STXBP5L: variants seen among roughly 807,000 people sequenced by gnomAD.
The protein encoded by STXBP5L is syntaxin-binding protein 5-like.
A neutral mutation model predicts 144.5 loss-of-function variants in STXBP5L; 65 were observed. The ratio of observed to expected loss-of-function variants is 0.45; its 90% CI spans 0.37 to 0.55. The LOEUF (loss-of-function observed/expected upper bound fraction) is 0.55, where lower values mean the gene tolerates loss of function less well. Ranked by LOEUF, STXBP5L falls within the 20% of genes least tolerant of loss-of-function variation. The probability of loss-of-function intolerance (pLI) is 0.00; values close to 1 mark genes in which losing one functional copy is unlikely to be tolerated. For synonymous variants in STXBP5L, 505 were observed against 469.6 expected (o/e 1.08, Z -0.97); for missense variants, 1,298 against 1,405.5 (o/e 0.92, Z 1.22).
rs779692882 is a variant in STXBP5L, at chr3:121,257,110, A to G, written c.1660-51A>G. The stretch of plus-strand genomic sequence containing the variant: ...TTATTATGACTTAGATTAAATTAAA[A>G]CGATGATTATTAGTGTGACTTAAAT... On this transcript the variant is annotated intron_variant, in intron 16 of 26. Coordinates refer to ENST00000471454, the MANE Select transcript of STXBP5L (RefSeq NM_001308330.2). The G allele has an allele frequency of 3.7e-6, 5 of 1,349,028 alleles. No homozygotes were observed. The Admixed American group carries it at 8.3e-5, about 22-fold the overall frequency. The allele number at this position is 1,349,028 out of a possible 1,614,324, so 83.6% of individuals were successfully genotyped here.
chr3:121,014,884 A>C (rs9879469), intron 3 of STXBP5L, among the ~76,000 whole-genome samples: 15,091 of 152,060 alleles, frequency 0.099, 1,179 homozygotes, highest in Admixed American at 0.2. Context: ...TATGAGTAAT[A>C]AATTGAAAAA....
chr3:120,942,805 T>C (rs1341457779), intron 2 of STXBP5L, among the ~76,000 whole-genome samples: 1 of 151,548 alleles, frequency 6.6e-6, no homozygotes, highest in Non-Finnish European at 1.5e-5. Context: ...GAATAGCAAA[T>C]ATATATGTTT....
intron 5 of STXBP5L, among the ~76,000 whole-genome samples, chr3:121,071,002 A>G (rs944568814): frequency 3.3e-5 from 5 of 152,194 alleles, no homozygotes. Flanking sequence ...CTAGTTATAG[A>G]CACAAGTTCC....
chr3:121,203,516 G>C (rs1220824554), intron 9 of STXBP5L, among the ~76,000 whole-genome samples: 1 of 152,002 alleles, frequency 6.6e-6, no homozygotes, highest in Non-Finnish European at 1.5e-5. Context: ...TGAATGTTAG[G>C]AATAGTAAGA....
In STXBP5L at chr3:121,002,867, C is replaced by G. The variant is rs550932415; in HGVS notation, c.288-38833C>G. Reference sequence around the variant, plus strand: ...GATGGTTTCCAGCTTCATCCATGTCCCTACAAAGAACATGAACTCATCATT... The same window carrying G: ...GATGGTTTCCAGCTTCATCCATGTCGCTACAAAGAACATGAACTCATCATT... On this transcript the variant is annotated intron_variant, in intron 3 of 26. Transcript: ENST00000471454. Among the ~76,000 whole-genome samples, 13 of 152,108 alleles carry G rather than the reference C, an allele frequency of 8.5e-5. No homozygotes were observed. In the East Asian group the frequency reaches 2.3e-3, roughly 27 times the overall value.
chr3:121,066,405 T>A (rs565307077), intron 5 of STXBP5L, among the ~76,000 whole-genome samples: 6 of 150,804 alleles, frequency 4.0e-5, no homozygotes, highest in East Asian at 1.9e-4. Context: ...ATATATATAT[T>A]TTAAATCATG....
chr3:120,918,340 T>C (rs1056126015), intron 2 of STXBP5L, among the ~76,000 whole-genome samples: 4 of 152,214 alleles, frequency 2.6e-5, no homozygotes, highest in Admixed American at 6.5e-5. Flanking sequence ...TTGGGGGCTG[T>C]TATTCTCTGT....
At chr3:121,081,784 C>G (rs2042259164) in intron 5 of STXBP5L, among the ~76,000 whole-genome samples, 1 of 152,082 alleles carries the variant, frequency 6.6e-6, no homozygotes. Flanking sequence ...ATTAAGTTGG[C>G]TGGGGGAGCT....
At position 121,290,743 on chromosome 3, in the gene STXBP5L, TGGTTTAACATA is replaced by T. The variant is rs1219618716; in HGVS notation, c.2110+10788_2110+10798del. ...GGGTTTCATACCAGGGATGCAGGGA[TGGTTTAACATA>T]CACAAGTCAATAAATGTGATACATC... On this transcript the variant is annotated intron_variant, in intron 19 of 26. Transcript: ENST00000471454. Among the ~76,000 whole-genome samples the T allele has an allele frequency of 2.0e-5, 3 of 152,184 alleles. No individual in the cohort carries two copies. The East Asian group carries it at 5.8e-4, about 29-fold the overall frequency.
chr3:120,989,313 AAAT>A (rs1942604961), intron 3 of STXBP5L, among the ~76,000 whole-genome samples: 1 of 152,108 alleles, frequency 6.6e-6, no homozygotes, highest in African/African-American at 2.4e-5. Flanking sequence ...ATTGACTTTT[AAAT>A]AATAGCCATT....
At chr3:121,418,270 T>C in intron 25 of STXBP5L, 67 bp from the exon 26 acceptor site, 1 of 1,498,004 alleles carries the variant, frequency 6.7e-7, no homozygotes, top group East Asian at 2.4e-5. Flanking sequence ...TACTTTGTCT[T>C]GGTGACAAGC....
intron 7 of STXBP5L, among the ~76,000 whole-genome samples, chr3:121,129,110 T>G (rs2044853877): frequency 6.6e-6 from 1 of 152,098 alleles, no homozygotes; most frequent in Non-Finnish European, 1.5e-5. Context: ...GACGGAGTTT[T>G]GGCCCAAGTC....
At chr3:121,106,377 T>A (rs2107798163) in intron 5 of STXBP5L, among the ~76,000 whole-genome samples, 1 of 152,228 alleles carries the variant, frequency 6.6e-6, no homozygotes. Context: ...CTACATGCAT[T>A]AGCTATTTAT....
intron 19 of STXBP5L, among the ~76,000 whole-genome samples, chr3:121,291,943 A>T (rs538481652): frequency 6.6e-6 from 1 of 152,222 alleles, no homozygotes; most frequent in Non-Finnish European, 1.5e-5. Context: ...ACCTGAAACC[A>T]TAGAAATTCT....
At chr3:120,929,406 T>C (rs1709805222) in intron 2 of STXBP5L, among the ~76,000 whole-genome samples, 2 of 152,212 alleles carry the variant, frequency 1.3e-5, no homozygotes, top group South Asian at 2.1e-4. Context: ...ATGGATCTTA[T>C]ATAGAATTTT....
chr3:120,968,639 G>C (rs1198555713), intron 3 of STXBP5L, among the ~76,000 whole-genome samples: 1 of 152,022 alleles, frequency 6.6e-6, no homozygotes, highest in East Asian at 1.9e-4. Flanking sequence ...GTTTTTTAGT[G>C]GTGATTTCTG....
At position 121,407,380 on chromosome 3, in the gene STXBP5L, G is replaced by A; in HGVS notation, c.2725G>A (p.Val909Met). Residue 909 changes from valine to methionine, a missense_variant, in exon 23 of 27, where the codon GTG becomes ATG. Physicochemically the swap from Val to Met is conservative, Grantham distance 21. Coordinates refer to ENST00000471454, the MANE Select transcript of STXBP5L (RefSeq NM_001308330.2). ...DENEKSWRRK[V>M]VMNSSSASQE... ...AAATGAAAAATCTTGGAGAAGGAAA[G>A]TGGTAATGAACTCATCTTCTGCATC... The A allele has an allele frequency of 1.2e-6, 2 of 1,613,068 alleles. No individual in the cohort carries two copies. The highest frequency in any genetic ancestry group is 8.5e-7 in the Non-Finnish European group (1 of 1,179,364).
intron 3 of STXBP5L, among the ~76,000 whole-genome samples, chr3:121,008,536 A>G (rs1340634079): frequency 6.6e-6 from 1 of 152,048 alleles, no homozygotes; most frequent in Non-Finnish European, 1.5e-5. Flanking sequence ...TGGGGATACA[A>G]CACCAAATAA....
intron 8 of STXBP5L, among the ~76,000 whole-genome samples, chr3:121,153,085 T>G (rs563803480): frequency 2.0e-5 from 3 of 152,098 alleles, no homozygotes; most frequent in Non-Finnish European, 2.9e-5. Context: ...GACCAGATAT[T>G]AATAAGTGAC....
Sources: allele counts gnomAD v4.1 joint callset (sites outside exome capture counted in the v4.1 genomes callset), GRCh38; gene constraint gnomAD v4.1.1; transcripts MANE v1.5; gene names NCBI Gene and HGNC (gene_info 2026-07-23, HGNC 2026-07-21).